The following PIGT variants were observed in gnomAD, a reference collection of about 807,000 sequenced individuals.
PIGT encodes the protein GPI-anchor transamidase component PIGT.
Under a neutral mutation model 66.7 loss-of-function variants are expected in PIGT, and 57 were observed. The ratio of observed to expected loss-of-function variants is 0.86; its 90% CI spans 0.69 to 1.07. The LOEUF (loss-of-function observed/expected upper bound fraction) is 1.07, where lower values mean the gene tolerates loss of function less well. Ranked by LOEUF, PIGT falls within the 50% of genes least tolerant of loss-of-function variation. The pLI is 0.00. For missense variants in PIGT, 725 were observed against 740.4 expected, an observed-to-expected ratio of 0.98 and a Z score of 0.24; for synonymous variants, 362 against 320.5, an observed-to-expected ratio of 1.13 and a Z score of -1.38.
In PIGT at chr20:45,426,038, G is replaced by C; in HGVS notation, c.*212G>C. ...AACTTAGAAATTCATTTCCTCACCT[G>C]TAGTGGCCACCTCTATATTGAGGTG... On this transcript the variant is annotated 3_prime_UTR_variant, in exon 12 of 12. Coordinates refer to ENST00000279036, the MANE Select transcript of PIGT (RefSeq NM_015937.6). The C allele has an allele frequency of 1.6e-6, 1 of 611,754 alleles. No individual in the cohort carries two copies. Among genetic ancestry groups the C allele is most frequent in the South Asian group, 2.0e-5 (1 of 49,806 alleles). The allele number at this position is 611,754 out of a possible 1,614,324, so 37.9% of individuals were successfully genotyped here. A position where few individuals can be genotyped will look rare whatever the true frequency, so the allele number is the denominator to read the frequency against.
At chr20:45,420,246 C>G in intron 6 of PIGT, 23 bp downstream of exon 6, 1 of 1,601,406 alleles carries the variant, frequency 6.2e-7, no homozygotes, top group Non-Finnish European at 8.5e-7. Flanking sequence ...GGCAACTCAT[C>G]TGTACCCACC....
At position 45,416,273 on chromosome 20, in the gene PIGT, G is replaced by T; in HGVS notation, c.117G>T (p.Leu39=). 1 of 1,595,610 alleles carries T rather than the reference G, an allele frequency of 6.3e-7. No individual in the cohort carries two copies. The highest frequency in any genetic ancestry group is 8.5e-7 in the Non-Finnish European group (1 of 1,171,310). The change falls in exon 1 of 12, where the codon CTG becomes CTT. Residue 39 remains leucine, a synonymous_variant. Coordinates refer to ENST00000279036, the MANE Select transcript of PIGT (RefSeq NM_015937.6). ...SLREELVITP[L]PSGDVAATFQ... is the part of the protein sequence containing the mutation. ...GGGAGGAACTTGTCATCACCCCGCT[G>T]CCTTCCGGGGACGTAGCCGCCACAT...
rs1314335750 is a variant in PIGT, at chr20:45,421,548, T to C, written c.1199T>C (p.Leu400Pro). The change falls in exon 9 of 12, where the codon CTC (leucine) becomes CCC (proline). Residue 400 changes from leucine (L) to proline (P), a missense_variant. Coordinates refer to ENST00000279036, the MANE Select transcript of PIGT (RefSeq NM_015937.6). Reference sequence around the variant, plus strand: ...TATCTGCGGCTGTATGTGCACACCCTCACCATCACCTCCAAGGGCAAGGAG... The same window carrying C: ...TATCTGCGGCTGTATGTGCACACCCCCACCATCACCTCCAAGGGCAAGGAG... ...PWYLRLYVHT[L>P]TITSKGKENK... 2.5e-6 allele frequency: 4 copies of C among 1,613,960 alleles called. No homozygotes were observed. The highest frequency in any genetic ancestry group is 3.4e-6 in the Non-Finnish European group (4 of 1,180,008).
intron 3 of PIGT, 81 bp downstream of exon 3, chr20:45,419,060 C>G (rs1600807379): frequency 6.4e-7 from 1 of 1,561,222 alleles, no homozygotes; most frequent in Middle Eastern, 1.8e-4. Context: ...CAGTTTCCTG[C>G]TTCCTCAGCC....
intron 2 of PIGT, 137 bp from the exon 3 acceptor site, chr20:45,418,715 C>G (rs1003220333): frequency 1.1e-4 from 119 of 1,080,572 alleles, no homozygotes; most frequent in Non-Finnish European, 1.6e-4. Flanking sequence ...CAGCAATGTT[C>G]CAGCTCCATC....
chr20:45,424,178 C>G, intron 9 of PIGT, 38 bp from the exon 10 acceptor site: 2 of 1,605,686 alleles, frequency 1.2e-6, no homozygotes, highest in African/African-American at 2.7e-5. Flanking sequence ...GTAGCCTGAC[C>G]CCAGGAAAGA....
At chr20:45,424,470 C>T (rs760147101) in intron 10 of PIGT, 26 bp from the exon 11 acceptor site, 10 of 1,612,466 alleles carry the variant, frequency 6.2e-6, no homozygotes, top group Admixed American at 3.3e-5. Flanking sequence ...GATGGGAACA[C>T]GGGCCATCTC....
At position 45,420,419 on chromosome 20, in the gene PIGT, C is replaced by A; in HGVS notation, c.857C>A (p.Thr286Asn). The A allele has an allele frequency of 1.9e-6, 3 of 1,613,372 alleles. No individual in the cohort carries two copies. The South Asian group carries it at 3.3e-5, about 18-fold the overall frequency. Residue 286 changes from threonine (T) to asparagine (N), a missense_variant, in exon 7 of 12, where the codon ACC (threonine) becomes AAC (asparagine). Coordinates refer to ENST00000279036, the MANE Select transcript of PIGT (RefSeq NM_015937.6). ...AGCCGAGTCTATGTGGACATCACCA[C>A]CTACAACCAGGTAACAAGGTCTCCA... is the stretch of plus-strand genomic sequence containing the variant. Reference protein sequence around the residue: ...SESRVYVDITTYNQDNETLEV... With the variant: ...SESRVYVDITNYNQDNETLEV...
At chr20:45,425,380 C>A (rs1990677960) in intron 11 of PIGT, 194 bp from the exon 12 acceptor site, 1 of 582,566 alleles carries the variant, frequency 1.7e-6, no homozygotes, top group African/African-American at 1.9e-5. Context: ...CTAATGCTCT[C>A]CCTCCCCTTG....
In PIGT at chr20:45,424,535, A is replaced by T; in HGVS notation, c.1440A>T (p.Ala480=). 1 of 1,614,216 alleles carries T rather than the reference A, an allele frequency of 6.2e-7. No individual in the cohort carries two copies. The highest frequency in any genetic ancestry group is 1.3e-5 in the African/African-American group (1 of 75,058). Residue 480 remains alanine, a synonymous_variant, in exon 11 of 12, where the codon GCA becomes GCT. Transcript: ENST00000279036. ...GCGCCCTTGTGCCCAGCATGGTAGCAGCCAAGCCAGTGGACTGGGAAGAGA... is the reference window on the plus strand; with the variant it reads ...GCGCCCTTGTGCCCAGCATGGTAGCTGCCAAGCCAGTGGACTGGGAAGAGA... ...VLSALVPSMV[A]AKPVDWEESP...
intron 3 of PIGT, 56 bp from the exon 4 acceptor site, chr20:45,419,239 G>T: frequency 7.0e-7 from 1 of 1,427,996 alleles, no homozygotes; most frequent in East Asian, 2.3e-5. Flanking sequence ...CTGGAATGTG[G>T]ATCCCGAGGG....
Position 45,420,613 on chromosome 20 carries a change from A to C in PIGT, c.953A>C (p.Tyr318Ser), listed in dbSNP as rs763271618. ...GGCACTCGGAAGACCTATGCCATCT[A>C]TGACTTGCTTGACACCGCCATGATC... ...ILGTRKTYAI[Y>S]DLLDTAMINN... is the part of the protein sequence containing the mutation. Residue 318 changes from tyrosine (Y) to serine (S), a missense_variant, in exon 8 of 12, where the codon TAT becomes TCT. Physicochemically the swap from Tyr to Ser is moderately radical, Grantham distance 144 (BLOSUM62 -2). Around this residue, in one of 3 missense-constraint regions of PIGT, gnomAD observed 559 missense variants for 552.7 expected, o/e 1.01. Transcript: ENST00000279036. 1.4e-5 allele frequency: 22 copies of C among 1,613,752 alleles called. No individual in the cohort carries two copies. Among genetic ancestry groups the C allele is most frequent in the Non-Finnish European group, 1.9e-5 (22 of 1,180,004 alleles).
Position 45,421,428 on chromosome 20 carries a change from G to A in PIGT, c.1079G>A (p.Gly360Asp). The A allele has an allele frequency of 6.2e-7, 1 of 1,614,186 alleles. No homozygotes were observed. The highest frequency in any genetic ancestry group is 8.5e-7 in the Non-Finnish European group (1 of 1,180,030). ...CTGCATGCCCAGCGGTACGTGAGTG[G>A]CTATGGGCTGCAGAAGGGGGAGCTG... Reference protein sequence around the residue: ...PFLHAQRYVSGYGLQKGELST... With the variant: ...PFLHAQRYVSDYGLQKGELST... The change falls in exon 9 of 12, where the codon GGC (glycine) becomes GAC (aspartate). Residue 360 changes from glycine (G) to aspartate (D), a missense_variant. By Grantham distance (94) the Gly-to-Asp change is moderately conservative. Transcript: ENST00000279036.
At chr20:45,417,615 A>G (rs1174930222) in intron 2 of PIGT, 1 of 152,260 alleles carries the variant, frequency 6.6e-6, no homozygotes, top group Non-Finnish European at 1.5e-5. Context: ...GGCAAGAGCC[A>G]CCACACCTGG....
At chr20:45,425,210 T>C (rs1990665485) in intron 11 of PIGT, 1 of 148,568 alleles carries the variant, frequency 6.7e-6, no homozygotes, top group African/African-American at 2.6e-5. Flanking sequence ...TTTCTTTCTC[T>C]TTCTTTCTTT....
rs1383911293 is a variant in PIGT, at chr20:45,425,834, C to T, written c.*8C>T. 9 of 1,609,256 alleles carry T rather than the reference C, an allele frequency of 5.6e-6. No individual in the cohort carries two copies. The highest frequency in any genetic ancestry group is 2.2e-5 in the South Asian group (2 of 90,948). On this transcript the variant is annotated 3_prime_UTR_variant, in exon 12 of 12. Coordinates refer to ENST00000279036, the MANE Select transcript of PIGT (RefSeq NM_015937.6). ...GGTGTCCCCCCACTCTGATTCTTGC[C>T]CTTTCCAGCAGCTGCAGCTGCCGTT...
intron 11 of PIGT, chr20:45,425,175 C>CTT (rs1433741616): frequency 6.9e-6 from 1 of 145,258 alleles, no homozygotes; most frequent in East Asian, 2.3e-4. Flanking sequence ...TTCTTTCTTT[C>CTT]TTTCTTTCTT....
rs375333648 is a variant in PIGT at position 45,419,404 on chromosome 20, G to T, written c.594+9G>T. 5 of 1,602,016 alleles carry T rather than the reference G, an allele frequency of 3.1e-6. No individual in the cohort carries two copies. In the Admixed American group the frequency reaches 6.9e-5, roughly 22 times the overall value. On this transcript the variant is annotated intron_variant, in intron 4 of 11. Coordinates refer to ENST00000279036, the MANE Select transcript of PIGT (RefSeq NM_015937.6). ...TGCCCTGTAGTTCCAAGGTGAGGCC[G>T]CAGAGCCTGGCAGCCGGGGGCGGGG...
At chr20:45,418,458 A>C in intron 2 of PIGT, 1 of 283,072 alleles carries the variant, frequency 3.5e-6, no homozygotes, top group Non-Finnish European at 6.9e-6. Flanking sequence ...ACCTAGTAAG[A>C]TGCTTGGATG....
Sources: gnomAD v4.1 joint callset for allele counts on GRCh38, gnomAD v4.1.1 for gene constraint, gnomAD v4.1.1 regional missense constraint, MANE v1.5 for transcripts, NCBI Gene and HGNC (gene_info 2026-07-23, HGNC 2026-07-21) for gene names.